Variants in ERG observed in about 807,000 individuals in gnomAD.
ERG encodes the protein ETS transcription factor ERG, also known as transcriptional regulator ERG.
ERG carries 9 observed loss-of-function variants against 55.3 expected under a neutral mutation model. The ratio of observed to expected loss-of-function variants is 0.16; its 90% CI spans 0.10 to 0.28. The LOEUF (loss-of-function observed/expected upper bound fraction) is 0.28. Among genes scored for constraint, ERG ranks in the 10% least tolerant of loss-of-function variants. ERG has a pLI of 1.00. For synonymous variants in ERG, 223 were observed against 237.3 expected (o/e 0.94, Z 0.55); for missense variants, 434 against 631.6 (o/e 0.69, Z 3.35).
intron 1 of ERG, among the ~76,000 whole-genome samples, chr21:38,614,881 G>T (rs941857336): frequency 4.6e-5 from 7 of 152,240 alleles, no homozygotes; most frequent in South Asian, 2.1e-4. Context: ...TGAGATTCCT[G>T]GGACAGGCTC....
At chr21:38,537,976 A>G (rs2059724117) in intron 2 of ERG, among the ~76,000 whole-genome samples, 1 of 152,226 alleles carries the variant, frequency 6.6e-6, no homozygotes, top group Non-Finnish European at 1.5e-5. Flanking sequence ...TTAGAAAAGG[A>G]GAGAAATTCT....
chr21:38,552,344 A>G (rs747715813), intron 2 of ERG, among the ~76,000 whole-genome samples: 8 of 152,166 alleles, frequency 5.3e-5, no homozygotes, highest in Non-Finnish European at 1.0e-4. Context: ...TGAGGCCAGT[A>G]TCATTTTGAT....
rs1042150461 is a variant in ERG at position 38,386,289 on chromosome 21, A to T, written c.920-2366T>A. On this transcript the variant is annotated intron_variant, in intron 9 of 9. Transcript: ENST00000288319. ...TAGAAATAAGAGAACTGTAAGCAAAATTCATCAGCTTTCAAACCTTGAAAG... is the reference window on the plus strand; with the variant it reads ...TAGAAATAAGAGAACTGTAAGCAAATTTCATCAGCTTTCAAACCTTGAAAG... 7.2e-5 allele frequency among the ~76,000 whole-genome samples: 11 copies of T among 152,350 alleles called. 1 individual carries two copies. In the South Asian group the frequency reaches 2.3e-3, roughly 32 times the overall value.
chr21:38,527,947 G>A (rs1159539449), intron 2 of ERG, among the ~76,000 whole-genome samples: 1 of 152,142 alleles, frequency 6.6e-6, no homozygotes, highest in Non-Finnish European at 1.5e-5. Flanking sequence ...GGCGGCTTCC[G>A]CCACCGAAAT....
At chr21:38,432,367 T>C (rs1436505214) in intron 2 of ERG, among the ~76,000 whole-genome samples, 1 of 152,250 alleles carries the variant, frequency 6.6e-6, no homozygotes, top group African/African-American at 2.4e-5. Flanking sequence ...GAACTGGGAT[T>C]GCAGGCATGA....
At chr21:38,622,074 C>G (rs1000012701) in intron 1 of ERG, among the ~76,000 whole-genome samples, 1 of 152,234 alleles carries the variant, frequency 6.6e-6, no homozygotes, top group Admixed American at 6.5e-5. Context: ...TGTCCCAGGA[C>G]ATGCACGGGA....
At chr21:38,369,802 G>A in the ERG span, among the ~76,000 whole-genome samples, 11 of 152,278 alleles carry the variant, frequency 7.2e-5, no homozygotes, top group African/African-American at 1.9e-4. Flanking sequence ...TGTATATGGT[G>A]TAAAGAGGGG....
intron 2 of ERG, among the ~76,000 whole-genome samples, chr21:38,442,403 A>G (rs2058849891): frequency 6.6e-6 from 1 of 152,212 alleles, no homozygotes; most frequent in Non-Finnish European, 1.5e-5. Flanking sequence ...TCTAAAAGAA[A>G]AATAAAAAAG....
chr21:38,550,307 A>T (rs1649269582), intron 2 of ERG, among the ~76,000 whole-genome samples: 1 of 152,016 alleles, frequency 6.6e-6, no homozygotes, highest in African/African-American at 2.4e-5. Flanking sequence ...AGGGTCCTGG[A>T]GTAATAGATG....
intron 2 of ERG, among the ~76,000 whole-genome samples, chr21:38,436,502 G>A (rs1046763236): frequency 3.3e-5 from 5 of 152,138 alleles, no homozygotes; most frequent in Admixed American, 3.3e-4. Flanking sequence ...GAAGCCCTGA[G>A]GGAGTGAAGA....
At chr21:38,592,560 A>C (rs1436990555) in intron 1 of ERG, among the ~76,000 whole-genome samples, 1 of 130,854 alleles carries the variant, frequency 7.6e-6, no homozygotes, top group Non-Finnish European at 1.6e-5. Context: ...GCTTATTGTC[A>C]TCTCCCTTCA....
intron 2 of ERG, among the ~76,000 whole-genome samples, chr21:38,537,970 A>T (rs2059724063): frequency 6.6e-6 from 1 of 152,198 alleles, no homozygotes; most frequent in African/African-American, 2.4e-5. Flanking sequence ...TCAGCCTTAG[A>T]AAAGGAGAGA....
chr21:38,655,484 C>A (rs2060513405), intron 1 of ERG, among the ~76,000 whole-genome samples: 1 of 152,224 alleles, frequency 6.6e-6, no homozygotes, highest in Non-Finnish European at 1.5e-5. Flanking sequence ...CCATACATTG[C>A]AAATGGATAA....
chr21:38,456,267 G>T (rs1397443362), intron 1 of ERG, among the ~76,000 whole-genome samples: 1 of 152,070 alleles, frequency 6.6e-6, no homozygotes, highest in Admixed American at 6.5e-5. Context: ...GCTGCCCCCA[G>T]ACTTTAATTT....
At chr21:38,421,223 C>T (rs1989527523) in intron 3 of ERG, among the ~76,000 whole-genome samples, 2 of 152,182 alleles carry the variant, frequency 1.3e-5, no homozygotes, top group Admixed American at 1.3e-4. Flanking sequence ...AAATGCATGG[C>T]CTCTGTACCT....
chr21:38,411,934 C>T (rs934962499), intron 3 of ERG, among the ~76,000 whole-genome samples: 1 of 152,156 alleles, frequency 6.6e-6, no homozygotes, highest in Non-Finnish European at 1.5e-5. Flanking sequence ...CCTTTTTTCA[C>T]TATGTAATGA....
chr21:38,392,515 T>C (rs2836360), intron 6 of ERG, 71 bp from the exon 7 acceptor site: 329,966 of 1,119,428 alleles, frequency 0.29, 51,259 homozygotes, highest in South Asian at 0.34. Flanking sequence ...GGTTTTTTAT[T>C]TGATTTTGTA....
At chr21:38,501,795 A>G (rs1486984839), upstream of ERG, among the ~76,000 whole-genome samples, 3 of 152,228 alleles carry the variant, frequency 2.0e-5, no homozygotes, top group Non-Finnish European at 4.4e-5. Flanking sequence ...CTTCTCTGCC[A>G]CAAACCCATC....
In ERG at chr21:38,382,435, G is replaced by C; in HGVS notation, c.*968C>G. 9.4e-7 allele frequency: 1 copy of C among 1,061,888 alleles called. No individual in the cohort carries two copies. The highest frequency in any genetic ancestry group is 1.1e-6 in the Non-Finnish European group (1 of 876,932). 65.8% of individuals were successfully genotyped at this position (1,061,888 alleles called of 1,614,324 possible). The stretch of plus-strand genomic sequence containing the variant: ...TCCTGAATGTTTCTCTTAAATATCA[G>C]ACAATTCCAGTTAAAATTTTCATTT... On this transcript the variant is annotated 3_prime_UTR_variant, in exon 10 of 10. Transcript: ENST00000288319.
Sources: gnomAD v4.1 joint callset for allele counts (sites outside exome capture counted in the v4.1 genomes callset) on GRCh38, gnomAD v4.1.1 for gene constraint, MANE v1.5 for transcripts, NCBI Gene and HGNC (gene_info 2026-07-23, HGNC 2026-07-21) for gene names.